The following VDAC1 variants were observed in gnomAD, a reference collection of about 807,000 sequenced individuals.
VDAC1 encodes the protein non-selective voltage-gated ion channel VDAC1.
In VDAC1, 10 loss-of-function variants were observed where a neutral mutation model predicts 34.7. That is an observed-to-expected ratio of 0.29 (90% confidence interval 0.18 to 0.49). The LOEUF (loss-of-function observed/expected upper bound fraction) is 0.49, where lower values mean the gene tolerates loss of function less well. Among genes scored for constraint, VDAC1 ranks in the 20% least tolerant of loss-of-function variants. The pLI is 0.99. For missense variants in VDAC1, 230 were observed against 347.9 expected (o/e 0.66, Z 2.69); for synonymous variants, 130 against 136.0 (o/e 0.96, Z 0.30).
chr5:133,984,422 G>A (rs1192981894), intron 5 of VDAC1, among the ~76,000 whole-genome samples: 23 of 1,886 alleles, frequency 0.012, no homozygotes, highest in African/African-American at 0.029. Flanking sequence ...TGACCAGCGT[G>A]TGTGTGTGTG....
At chr5:134,003,539 G>T (rs1018725607) in intron 1 of VDAC1, among the ~76,000 whole-genome samples, 1 of 152,154 alleles carries the variant, frequency 6.6e-6, no homozygotes, top group Non-Finnish European at 1.5e-5. Flanking sequence ...TCAATACCTG[G>T]TATACAAATG....
chr5:133,986,650 T>C (rs1752918429), intron 5 of VDAC1, among the ~76,000 whole-genome samples: 1 of 152,130 alleles, frequency 6.6e-6, no homozygotes, highest in African/African-American at 2.4e-5. Context: ...CATTCCAAAG[T>C]GCTGGGATTG....
chr5:134,053,442 T>C, the VDAC1 span, among the ~76,000 whole-genome samples: 1 of 152,142 alleles, frequency 6.6e-6, no homozygotes, highest in Non-Finnish European at 1.5e-5. Context: ...CAACCCTCCA[T>C]CATTGTCTAG....
the VDAC1 span, among the ~76,000 whole-genome samples, chr5:134,078,369 T>C: frequency 6.6e-6 from 1 of 152,150 alleles, no homozygotes; most frequent in Non-Finnish European, 1.5e-5. Flanking sequence ...TGGTGCACTG[T>C]GCGGTCCAGG....
the VDAC1 span, among the ~76,000 whole-genome samples, chr5:134,048,918 A>G: frequency 0.1 from 15,555 of 152,266 alleles, 1,049 homozygotes; most frequent in East Asian, 0.28. Flanking sequence ...TGAGTGAATG[A>G]ATGAATGAAC....
the VDAC1 span, among the ~76,000 whole-genome samples, chr5:134,039,614 C>T: frequency 7.9e-5 from 12 of 152,330 alleles, no homozygotes; most frequent in Middle Eastern, 3.4e-3. Flanking sequence ...CAGGCGTGAG[C>T]CACCGCGCCC....
chr5:134,108,079 A>T, the VDAC1 span, among the ~76,000 whole-genome samples: 3 of 152,044 alleles, frequency 2.0e-5, no homozygotes, highest in Admixed American at 2.0e-4. Flanking sequence ...AGGCAATGGG[A>T]CTCCTGAAAG....
chr5:133,975,464 CT>C (rs879616685), intron 7 of VDAC1, among the ~76,000 whole-genome samples: 464 of 139,542 alleles, frequency 3.3e-3, no homozygotes, highest in Middle Eastern at 3.6e-3. Context: ...GAGACGGAGT[CT>C]TTTTTTTTTT....
rs1374643668 is a variant in VDAC1, at chr5:133,980,710, T to G, written c.551+19A>C. 5.0e-5 allele frequency: 22 copies of G among 437,492 alleles called. No homozygotes were observed. The highest frequency in any genetic ancestry group is 9.0e-5 in the Non-Finnish European group (22 of 245,070). The allele number at this position is 437,492 out of a possible 1,614,324, so 27.1% of individuals were successfully genotyped here. On this transcript the variant is annotated intron_variant, in intron 6 of 8. Transcript: ENST00000265333. Reference sequence around the variant, plus strand: ...TCCAACCCCACCCCTCCCACCCTGCTGCCCCCATGTACACTTACACATTAG... The same window carrying G: ...TCCAACCCCACCCCTCCCACCCTGCGGCCCCCATGTACACTTACACATTAG...
At chr5:134,032,124 C>CAAAAAAAAAAAAAATAAAAAAAAAAAAAA in the VDAC1 span, among the ~76,000 whole-genome samples, 1 of 36,132 alleles carries the variant, frequency 2.8e-5, no homozygotes, top group African/African-American at 1.2e-4. Flanking sequence ...CTCTGCCTCA[C>CAAAAAAAAAAAAAATAAAAAAAAAAAAAA]AAAAAAAAAA....
chr5:134,107,452 C>T, the VDAC1 span, among the ~76,000 whole-genome samples: 11 of 152,252 alleles, frequency 7.2e-5, no homozygotes, highest in African/African-American at 2.4e-4. Context: ...TGCCCCCAGG[C>T]CCCTACATGG....
At chr5:134,005,634 G>T (rs1242012478), upstream of VDAC1, 2 of 152,364 alleles carry the variant, frequency 1.3e-5, no homozygotes, top group East Asian at 3.9e-4. Context: ...GCCGACTGAG[G>T]GCACCCCGGG....
At chr5:134,015,002 A>G in the VDAC1 span, among the ~76,000 whole-genome samples, 1 of 152,248 alleles carries the variant, frequency 6.6e-6, no homozygotes, top group African/African-American at 2.4e-5. Context: ...AATATGGTAC[A>G]TATATATGGC....
At chr5:134,052,468 A>AT in the VDAC1 span, among the ~76,000 whole-genome samples, 1 of 151,514 alleles carries the variant, frequency 6.6e-6, no homozygotes. Context: ...TAATTTTTGT[A>AT]TTTTTTTGTA....
intron 1 of VDAC1, 196 bp downstream of exon 1, chr5:134,004,699 C>G (rs899143813): frequency 2.0e-5 from 3 of 151,680 alleles, no homozygotes; most frequent in African/African-American, 4.8e-5. Flanking sequence ...GGCTGCGACG[C>G]GGAGGCAGGG....
At chr5:134,104,328 G>A in the VDAC1 span, among the ~76,000 whole-genome samples, 1 of 152,254 alleles carries the variant, frequency 6.6e-6, no homozygotes, top group African/African-American at 2.4e-5. Context: ...GGGTGCAGGG[G>A]TGCTGGCGGC....
At chr5:133,985,179 G>A (rs1752859847) in intron 5 of VDAC1, among the ~76,000 whole-genome samples, 1 of 152,152 alleles carries the variant, frequency 6.6e-6, no homozygotes. Flanking sequence ...AACTGGATTT[G>A]TCAGTCTCTT....
At chr5:133,973,902 T>G in intron 7 of VDAC1, 54 bp from the exon 8 acceptor site, 1 of 1,549,262 alleles carries the variant, frequency 6.5e-7, no homozygotes, top group Non-Finnish European at 8.8e-7. Flanking sequence ...ACTTTGCACT[T>G]CCATCTCCAA....
rs148688579 is a variant in VDAC1 at position 133,981,203 on chromosome 5, T to C, written c.324-247A>G. Among the ~76,000 whole-genome samples, 3 of 152,076 alleles carry C rather than the reference T, an allele frequency of 2.0e-5. No homozygotes were observed. In the East Asian group the frequency reaches 5.8e-4, roughly 29 times the overall value. On this transcript the variant is annotated intron_variant, in intron 5 of 8. Coordinates refer to ENST00000265333, the MANE Select transcript of VDAC1 (RefSeq NM_003374.3). Reference sequence around the variant, plus strand: ...ACACAGACAGGAAAAGCCTGAAAAATAAATACGAAGTAACTTTCTTCTCCT... The same window carrying C: ...ACACAGACAGGAAAAGCCTGAAAAACAAATACGAAGTAACTTTCTTCTCCT...
Sources: allele counts gnomAD v4.1 joint callset (sites outside exome capture counted in the v4.1 genomes callset), GRCh38; gene constraint gnomAD v4.1.1; transcripts MANE v1.5; gene names NCBI Gene and HGNC (gene_info 2026-07-23, HGNC 2026-07-21).